AGL: variants seen among roughly 807,000 people sequenced by gnomAD.
The protein encoded by AGL is glycogen debranching enzyme.
Under a neutral mutation model 199.3 loss-of-function variants are expected in AGL, and 128 were observed. That is an observed-to-expected ratio of 0.64 (90% CI 0.56 to 0.74). AGL has a LOEUF of 0.74. Among genes scored for constraint, AGL ranks in the 30% least tolerant of loss-of-function variants. AGL has a pLI of 0.00. For missense variants in AGL, 1,809 were observed against 1,820.8 expected, an observed-to-expected ratio of 0.99 and a Z score of 0.12; for synonymous variants, 584 against 594.7, an observed-to-expected ratio of 0.98 and a Z score of 0.26.
intron 17 of AGL, among the ~76,000 whole-genome samples, chr1:99,882,307 G>C (rs1445555985): frequency 6.6e-6 from 1 of 151,930 alleles, no homozygotes; most frequent in Non-Finnish European, 1.5e-5. Context: ...TTCTCTTCTA[G>C]CAGAACAATA....
chr1:99,892,497 T>C lies in AGL; in HGVS notation c.3149T>C (p.Val1050Ala), dbSNP rs1652977376. The change falls in exon 24 of 34, where the codon GTA (valine) becomes GCA (alanine). Residue 1050 changes from valine (V) to alanine (A), a missense_variant. By Grantham distance (64) the Val-to-Ala change is moderately conservative. Transcript: ENST00000361915. ...TTGGGTTCAGTTCAACTGTGTGGAG[T>C]AGGAAAATTCCCTTCCCTGCCAATT... Reference protein sequence around the residue: ...LSLGSVQLCGVGKFPSLPILS... With the variant: ...LSLGSVQLCGAGKFPSLPILS... 1 of 1,613,458 alleles carries C rather than the reference T, an allele frequency of 6.2e-7. No homozygotes were observed. Among genetic ancestry groups the C allele is most frequent in the African/African-American group, 1.3e-5 (1 of 74,886 alleles).
At position 99,884,334 on chromosome 1, in the gene AGL, TC is replaced by T. The variant is rs1652282067; in HGVS notation, c.2434-4del. The stretch of plus-strand genomic sequence containing the variant: ...ATGGATTTTTTTAATGTACTTTTTT[TC>T]AAGCTTAATGAAAGTAAAATTGTTA... On this transcript the variant is annotated splice_polypyrimidine_tract_variant and splice_region_variant and intron_variant, in intron 18 of 33. Coordinates refer to ENST00000361915, the MANE Select transcript of AGL (RefSeq NM_000642.3). The T allele has an allele frequency of 1.2e-6, 2 of 1,612,884 alleles. No homozygotes were observed. Among genetic ancestry groups the T allele is most frequent in the Non-Finnish European group, 1.7e-6 (2 of 1,179,264 alleles).
At chr1:99,856,305 TTCCTCCCTCCCTCCCTTCCTTCC>T (rs1366500413) in intron 2 of AGL, among the ~76,000 whole-genome samples, 54 of 43,234 alleles carry the variant, frequency 1.2e-3, no homozygotes, top group African/African-American at 3.6e-3. Context: ...CCTTCCTTCC[TTCCTCCCTCCCTCCCTTCCTTCC>T]TCCCTCCCTC....
chr1:99,878,928 A>G (rs1651787717), intron 12 of AGL, among the ~76,000 whole-genome samples: 1 of 152,200 alleles, frequency 6.6e-6, no homozygotes, highest in Admixed American at 6.5e-5. Context: ...AACTTAATTT[A>G]CTTAATTTTA....
At chr1:99,865,139 A>T (rs1273602982) in intron 5 of AGL, among the ~76,000 whole-genome samples, 2 of 152,130 alleles carry the variant, frequency 1.3e-5, no homozygotes, top group African/African-American at 4.8e-5. Context: ...CTGCTCAGTT[A>T]TCAGATAAAA....
chr1:99,910,281 A>G (rs1443086235), intron 27 of AGL, among the ~76,000 whole-genome samples: 1 of 152,262 alleles, frequency 6.6e-6, no homozygotes, highest in East Asian at 1.9e-4. Flanking sequence ...TCCACACTCT[A>G]TGTCCATGTA....
intron 10 of AGL, 144 bp from the exon 11 acceptor site, chr1:99,876,314 A>G (rs960880337): frequency 1.3e-5 from 8 of 638,914 alleles, no homozygotes; most frequent in Admixed American, 3.0e-5. Flanking sequence ...TTTTTGACCT[A>G]TATTGAAGTT....
chr1:99,901,850 GT>G (rs1472067393), intron 26 of AGL, among the ~76,000 whole-genome samples: 8 of 152,168 alleles, frequency 5.3e-5, no homozygotes, highest in Admixed American at 3.9e-4. Flanking sequence ...ATATCATGAA[GT>G]ACTCAACATT....
rs1281211994 is a variant in AGL, at chr1:99,870,578, G to A, written c.843G>A (p.Met281Ile). ...IPALIENDHHMNSIRKIIWED... is the reference protein window; with the variant it reads ...IPALIENDHHINSIRKIIWED... Reference sequence around the variant, plus strand: ...CTTTGATTGAAAATGATCACCATATGAATGTCAGTATGTACAGAGGAGTAT... The same window carrying A: ...CTTTGATTGAAAATGATCACCATATAAATGTCAGTATGTACAGAGGAGTAT... The change falls in exon 6 of 34, where the codon ATG (methionine) becomes ATA (isoleucine). Residue 281 changes from methionine to isoleucine, a missense_variant. By Grantham distance (10) the Met-to-Ile change is conservative. Transcript: ENST00000361915. 1.9e-6 allele frequency: 3 copies of A among 1,613,788 alleles called. No individual in the cohort carries two copies. The African/African-American group carries it at 4.0e-5, about 22-fold the overall frequency.
At chr1:99,913,197 G>A (rs1276004117) in intron 29 of AGL, among the ~76,000 whole-genome samples, 2 of 151,682 alleles carry the variant, frequency 1.3e-5, no homozygotes, top group Non-Finnish European at 1.5e-5. Flanking sequence ...TCCAGCTTGG[G>A]TGGACAATAC....
chr1:99,910,884 T>C, intron 28 of AGL, 37 bp downstream of exon 28: 7 of 1,598,632 alleles, frequency 4.4e-6, no homozygotes, highest in Non-Finnish European at 6.0e-6. Flanking sequence ...AATTATACCC[T>C]TCTTTAAGAA....
At chr1:99,878,827 C>CA (rs1385616250) in intron 12 of AGL, among the ~76,000 whole-genome samples, 2 of 151,878 alleles carry the variant, frequency 1.3e-5, no homozygotes, top group Admixed American at 6.6e-5. Context: ...TGTTTAGTTC[C>CA]AAAAAATGAC....
At chr1:99,864,304 A>G in intron 4 of AGL, 82 bp from the exon 5 acceptor site, 2 of 1,244,852 alleles carry the variant, frequency 1.6e-6, no homozygotes, top group Non-Finnish European at 2.3e-6. Flanking sequence ...TACTTAAGAA[A>G]GTTTAAATTT....
At chr1:99,889,981 A>G (rs1652750862) in intron 21 of AGL, among the ~76,000 whole-genome samples, 1 of 152,186 alleles carries the variant, frequency 6.6e-6, no homozygotes, top group Non-Finnish European at 1.5e-5. Flanking sequence ...CTTAAACAAA[A>G]TGTATTTCCC....
intron 24 of AGL, among the ~76,000 whole-genome samples, chr1:99,895,110 G>T (rs568682544): frequency 6.6e-6 from 1 of 151,998 alleles, no homozygotes; most frequent in African/African-American, 2.4e-5. Context: ...GTACAATAGC[G>T]TGATCTCGGC....
chr1:99,894,049 A>C (rs1653116586), intron 24 of AGL, among the ~76,000 whole-genome samples: 1 of 152,024 alleles, frequency 6.6e-6, no homozygotes, highest in Non-Finnish European at 1.5e-5. Context: ...TTAGCCAGGC[A>C]TGGTGGTATG....
Position 99,864,393 on chromosome 1 carries a change from C to G in AGL, c.468C>G (p.Asn156Lys). 6.2e-7 allele frequency: 1 copy of G among 1,613,204 alleles called. No individual in the cohort carries two copies. Among genetic ancestry groups the G allele is most frequent in the Non-Finnish European group, 8.5e-7 (1 of 1,179,338 alleles). Residue 156 changes from asparagine to lysine, a missense_variant, in exon 5 of 34, where the codon AAC (asparagine) becomes AAG (lysine). Asn to Lys is a moderately conservative substitution (Grantham distance 94, BLOSUM62 0). Transcript: ENST00000361915. ...CCTTTATTTGCTTTGCAGGCTACAA[C>G]ATGATTCATTTTACCCCATTGCAGA... ...RLRVAKESGY[N>K]MIHFTPLQTL... is the part of the protein sequence containing the mutation.
At chr1:99,860,203 C>T (rs1649919326) in intron 2 of AGL, among the ~76,000 whole-genome samples, 1 of 151,692 alleles carries the variant, frequency 6.6e-6, no homozygotes, top group South Asian at 2.1e-4. Context: ...AGAAAATATC[C>T]CTGTTAGTAT....
intron 24 of AGL, among the ~76,000 whole-genome samples, chr1:99,896,011 C>T (rs1313635749): frequency 6.6e-6 from 1 of 152,162 alleles, no homozygotes; most frequent in Non-Finnish European, 1.5e-5. Flanking sequence ...ATTCACACCT[C>T]AATTTAGATA....
Sources: gnomAD v4.1 joint callset for allele counts (sites outside exome capture counted in the v4.1 genomes callset) on GRCh38, gnomAD v4.1.1 for gene constraint, MANE v1.5 for transcripts, NCBI Gene and HGNC (gene_info 2026-07-23, HGNC 2026-07-21) for gene names.